NCOA6: variants seen among roughly 807,000 people sequenced by gnomAD.
The protein encoded by NCOA6 is nuclear receptor coactivator 6.
A neutral mutation model predicts 171.4 loss-of-function variants in NCOA6; 49 were observed. That is an observed-to-expected ratio of 0.29 (90% confidence interval 0.23 to 0.36). NCOA6 has a LOEUF of 0.36. NCOA6 is among the 10% of genes least tolerant of loss of function. The pLI is 1.00. For missense variants in NCOA6, 2,248 were observed against 2,554.5 expected, an observed-to-expected ratio of 0.88 and a Z score of 2.59; for synonymous variants, 910 against 927.5, an observed-to-expected ratio of 0.98 and a Z score of 0.34.
At chr20:34,721,363 A>G (rs1989319318) in intron 14 of NCOA6, among the ~76,000 whole-genome samples, 1 of 151,576 alleles carries the variant, frequency 6.6e-6, no homozygotes, top group Non-Finnish European at 1.5e-5. Context: ...CACCAACTCC[A>G]CAGGGATGGA....
At chr20:34,754,624 G>T in intron 8 of NCOA6, 98 bp downstream of exon 8, 1 of 1,427,992 alleles carries the variant, frequency 7.0e-7, no homozygotes, top group South Asian at 1.3e-5. Context: ...TAAGGGGAGA[G>T]ACCAAGACTT....
intron 14 of NCOA6, among the ~76,000 whole-genome samples, chr20:34,720,403 C>T (rs1291082383): frequency 6.6e-6 from 1 of 152,212 alleles, no homozygotes; most frequent in Non-Finnish European, 1.5e-5. Context: ...GTGGGCCTTC[C>T]TGGACTTGCC....
chr20:34,765,710 A>G (rs756466761), intron 5 of NCOA6, among the ~76,000 whole-genome samples: 3 of 152,160 alleles, frequency 2.0e-5, no homozygotes, highest in Non-Finnish European at 4.4e-5. Context: ...GAAGCCAGGG[A>G]TGCTACTAAA....
At position 34,758,891 on chromosome 20, in the gene NCOA6, G is replaced by A. The variant is rs769546399; in HGVS notation, c.557C>T (p.Pro186Leu). 16 of 1,613,486 alleles carry A rather than the reference G, an allele frequency of 9.9e-6. No homozygotes were observed. Among genetic ancestry groups the A allele is most frequent in the Admixed American group, 6.7e-5 (4 of 59,920 alleles). ...CATGGAAGATGACACATTTCCACCC[G>A]GGGGTATCATAACAGTGGCAGGGTT... is the stretch of plus-strand genomic sequence containing the variant. ...MNNPATVMIP[P>L]GGNVSSSMMA... Residue 186 changes from proline (P) to leucine (L), a missense_variant, in exon 6 of 15, where the codon CCG becomes CTG. Physicochemically the swap from Pro to Leu is moderately conservative, Grantham distance 98 (BLOSUM62 -3). This residue lies in a region of NCOA6 where 987 missense variants were observed against 1,104.7 expected (regional missense o/e 0.89). Transcript: ENST00000359003.
intron 8 of NCOA6, among the ~76,000 whole-genome samples, chr20:34,753,686 AC>A (rs993253967): frequency 4.6e-5 from 7 of 152,144 alleles, no homozygotes; most frequent in East Asian, 1.9e-4. Flanking sequence ...TAAAAAAAAA[AC>A]AAACATGAAT....
intron 2 of NCOA6, among the ~76,000 whole-genome samples, chr20:34,783,230 C>T (rs1245367206): frequency 7.3e-5 from 11 of 151,542 alleles, no homozygotes; most frequent in Admixed American, 6.6e-4. Context: ...TGAAGGGAGC[C>T]GAGGTTGCGT....
At chr20:34,720,259 C>T (rs1989160545) in intron 14 of NCOA6, among the ~76,000 whole-genome samples, 2 of 152,198 alleles carry the variant, frequency 1.3e-5, no homozygotes, top group Admixed American at 6.5e-5. Flanking sequence ...AGGAAAACTA[C>T]TCATTTGCAT....
At chr20:34,764,709 A>T (rs2145914491) in intron 5 of NCOA6, among the ~76,000 whole-genome samples, 1 of 152,156 alleles carries the variant, frequency 6.6e-6, no homozygotes, top group South Asian at 2.1e-4. Context: ...GTTATATTTT[A>T]AGTTTTGTAG....
At chr20:34,723,189 C>G (rs1387652042) in intron 14 of NCOA6, among the ~76,000 whole-genome samples, 1 of 152,186 alleles carries the variant, frequency 6.6e-6, no homozygotes, top group Non-Finnish European at 1.5e-5. Flanking sequence ...GGGCTTGCAC[C>G]TGGCATTGGA....
At chr20:34,727,109 A>G in intron 14 of NCOA6, 150 bp downstream of exon 14, 3 of 902,850 alleles carry the variant, frequency 3.3e-6, no homozygotes, top group Non-Finnish European at 5.0e-6. Context: ...TGAACAAATA[A>G]AGGAAGGACC....
Position 34,808,373 on chromosome 20 carries a change from A to G in NCOA6, c.-163-15810T>C, listed in dbSNP as rs558094976. On this transcript the variant is annotated intron_variant, in intron 1 of 14. Coordinates refer to ENST00000359003, the MANE Select transcript of NCOA6 (RefSeq NM_014071.5). ...ATCCAAATATTTATGGGGGGAAAAA[A>G]GTCACAGGTCACACAGTGGCCAGTT... Among the ~76,000 whole-genome samples, 5 of 151,732 alleles carry G rather than the reference A, an allele frequency of 3.3e-5. 1 individual carries two copies. In the South Asian group the frequency reaches 1.0e-3, roughly 32 times the overall value.
chr20:34,769,704 T>TA (rs1191259202), intron 4 of NCOA6, among the ~76,000 whole-genome samples: 1 of 152,154 alleles, frequency 6.6e-6, no homozygotes, highest in African/African-American at 2.4e-5. Flanking sequence ...AGCTTCACAG[T>TA]ACCCTCATAG....
rs569314699 is a variant in NCOA6, at chr20:34,773,618, G to C, written c.391+2675C>G. ...GGCTCACCGCAACCTCCACCTCCTGGGTTCAAGCAATTCTCCTGCCTTAGC... is the reference window on the plus strand; with the variant it reads ...GGCTCACCGCAACCTCCACCTCCTGCGTTCAAGCAATTCTCCTGCCTTAGC... On this transcript the variant is annotated intron_variant, in intron 4 of 14. Coordinates refer to ENST00000359003, the MANE Select transcript of NCOA6 (RefSeq NM_014071.5). Among the ~76,000 whole-genome samples the C allele has an allele frequency of 1.9e-3, 283 of 152,172 alleles. 1 individual carries two copies. Among genetic ancestry groups the C allele is most frequent in the African/African-American group, 6.4e-3 (267 of 41,510 alleles).
Position 34,740,409 on chromosome 20 carries a change from T to C in NCOA6, c.5847A>G (p.Leu1949=), listed in dbSNP as rs1235298168. ...GATGGGATCCCACCTTCTCCTCCAC[T>C]AGGCCACCCGCAAGTGACTCAGATG... is the stretch of plus-strand genomic sequence containing the variant. ...GIASESLAGG[L]VEEKVGSHPE... Residue 1949 remains leucine, a synonymous_variant, in exon 11 of 15, where the codon CTA becomes CTG. Transcript: ENST00000359003. 1 of 1,614,052 alleles carries C rather than the reference T, an allele frequency of 6.2e-7. No homozygotes were observed. Among genetic ancestry groups the C allele is most frequent in the Non-Finnish European group, 8.5e-7 (1 of 1,180,030 alleles).
In NCOA6 at chr20:34,758,039, C is replaced by T; in HGVS notation, c.709G>A (p.Ala237Thr). 1 of 1,613,958 alleles carries T rather than the reference C, an allele frequency of 6.2e-7. No homozygotes were observed. Residue 237 changes from alanine to threonine, a missense_variant, in exon 7 of 15, where the codon GCT (alanine) becomes ACT (threonine). Ala to Thr is a moderately conservative substitution (Grantham distance 58). This residue lies in a region of NCOA6 where 987 missense variants were observed against 1,104.7 expected (regional missense o/e 0.89). Coordinates refer to ENST00000359003, the MANE Select transcript of NCOA6 (RefSeq NM_014071.5). ...GGCTGCATTGGGTGATGTGGGGGAG[C>T]TAAAGATCCTGAGGGATGACTTTGC... ...QQQSHPSGSL[A>T]PPHHPMQPVS...
At chr20:34,775,693 GA>G (rs5841181) in intron 4 of NCOA6, among the ~76,000 whole-genome samples, 110,337 of 132,898 alleles carry the variant, frequency 0.83, 45,744 homozygotes, top group Admixed American at 0.89. Flanking sequence ...AAAAAAAAAA[GA>G]AAAAAAAAAG....
chr20:34,750,598 T>G, intron 8 of NCOA6, 79 bp from the exon 9 acceptor site: 1 of 1,389,732 alleles, frequency 7.2e-7, no homozygotes, highest in Non-Finnish European at 9.5e-7. Flanking sequence ...GTTACATTAC[T>G]CAGAAAGACA....
intron 3 of NCOA6, among the ~76,000 whole-genome samples, chr20:34,781,870 A>T (rs1007028635): frequency 3.9e-5 from 6 of 152,210 alleles, no homozygotes; most frequent in Admixed American, 2.6e-4. Flanking sequence ...GGTCTTGAGA[A>T]TTACTTTTAT....
Position 34,754,781 on chromosome 20 carries a change from G to A in NCOA6, c.1616C>T (p.Thr539Ile). ...MQGQVPSTTA[T>I]TPGNSGAPQL... Reference sequence around the variant, plus strand: ...AGGGGCTCCTGAATTCCCAGGGGTGGTTGCTGTGGTCGAAGGCACCTGACC... The same window carrying A: ...AGGGGCTCCTGAATTCCCAGGGGTGATTGCTGTGGTCGAAGGCACCTGACC... Residue 539 changes from threonine to isoleucine, a missense_variant, in exon 8 of 15, where the codon ACC becomes ATC. Transcript: ENST00000359003. 1 of 1,614,224 alleles carries A rather than the reference G, an allele frequency of 6.2e-7. No homozygotes were observed. The highest frequency in any genetic ancestry group is 8.5e-7 in the Non-Finnish European group (1 of 1,180,042).
Sources: gnomAD v4.1 joint callset for allele counts (sites outside exome capture counted in the v4.1 genomes callset) on GRCh38, gnomAD v4.1.1 for gene constraint, gnomAD v4.1.1 regional missense constraint, MANE v1.5 for transcripts, NCBI Gene and HGNC (gene_info 2026-07-23, HGNC 2026-07-21) for gene names.